Variants in NFATC2IP observed in about 807,000 individuals in gnomAD.
NFATC2IP encodes NFATC2-interacting protein.
Under a neutral mutation model 40.2 loss-of-function variants are expected in NFATC2IP, and 25 were observed. That is an observed-to-expected ratio of 0.62 (90% confidence interval 0.45 to 0.87). The LOEUF is 0.87. Ranked by LOEUF, NFATC2IP falls within the 40% of genes least tolerant of loss-of-function variation. NFATC2IP has a pLI of 0.00. For synonymous variants in NFATC2IP, 241 were observed against 236.3 expected (o/e 1.02, Z -0.18); for missense variants, 553 against 555.6 (o/e 1.00, Z 0.05).
At chr16:28,954,383 C>A (rs1229900974) in intron 2 of NFATC2IP, among the ~76,000 whole-genome samples, 182 bp from the exon 3 acceptor site, 2 of 152,090 alleles carry the variant, frequency 1.3e-5, no homozygotes, top group African/African-American at 4.8e-5. Context: ...TATCTTTATA[C>A]TAAATAGCAG....
intron 5 of NFATC2IP, among the ~76,000 whole-genome samples, chr16:28,958,223 G>T (rs1337072392): frequency 2.0e-5 from 3 of 152,012 alleles, no homozygotes; most frequent in Non-Finnish European, 4.4e-5. Flanking sequence ...GCCGAGGCAG[G>T]TGGATCACCC....
intron 7 of NFATC2IP, among the ~76,000 whole-genome samples, chr16:28,961,909 AAAAAAAAAAAAAAAG>A: frequency 6.7e-6 from 1 of 149,966 alleles, no homozygotes; most frequent in Non-Finnish European, 1.5e-5. Context: ...CAAAAAAAAA[AAAAAAAAAAAAAAAG>A]ACAGGGTCTT....
chr16:28,954,730 G>T, intron 3 of NFATC2IP, 48 bp downstream of exon 3: 1 of 1,233,794 alleles, frequency 8.1e-7, no homozygotes. Context: ...AAGTGAGTTG[G>T]AGGGGTAAGC....
rs770232293 is a variant in NFATC2IP at position 28,952,186 on chromosome 16, C to T, written c.442C>T (p.Pro148Ser). Residue 148 changes from proline (P) to serine (S), a missense_variant, in exon 2 of 8, where the codon CCT (proline) becomes TCT (serine). Transcript: ENST00000320805. Reference protein sequence around the residue: ...PDDLSLLKLYPPGDEEEAELA... With the variant: ...PDDLSLLKLYSPGDEEEAELA... ...TGATCTATCCCTCCTGAAACTCTAC[C>T]CTCCAGGGGATGAGGAAGGTAAGGG... The T allele has an allele frequency of 3.1e-6, 5 of 1,613,768 alleles. No homozygotes were observed. Among genetic ancestry groups the T allele is most frequent in the Non-Finnish European group, 3.4e-6 (4 of 1,179,770 alleles).
intron 2 of NFATC2IP, 116 bp from the exon 3 acceptor site, chr16:28,954,449 G>A (rs368215274): frequency 1.5e-6 from 1 of 649,626 alleles, no homozygotes. Context: ...TGTGCCAGGG[G>A]CTCCGTGGTC....
rs1377627472 is a variant in NFATC2IP, at chr16:28,967,083, A to G, written c.*3220A>G. On this transcript the variant is annotated 3_prime_UTR_variant, in exon 8 of 8. Coordinates refer to ENST00000320805, the MANE Select transcript of NFATC2IP (RefSeq NM_032815.4). ...TTTAACCTCAACAAAATAAATGGCAATATGTTCAACTTGTGTATACTGGAG... is the reference window on the plus strand; with the variant it reads ...TTTAACCTCAACAAAATAAATGGCAGTATGTTCAACTTGTGTATACTGGAG... 6.6e-6 allele frequency: 1 copy of G among 152,174 alleles called. No homozygotes were observed. Among genetic ancestry groups the G allele is most frequent in the African/African-American group, 2.4e-5 (1 of 41,440 alleles). The allele number at this position is 152,174 out of a possible 1,614,324, so 9.4% of individuals were successfully genotyped here. A position where few individuals can be genotyped will look rare whatever the true frequency, so the allele number is the denominator to read the frequency against.
At chr16:28,954,747 AGGCAGGACTCTTGGG>A in intron 3 of NFATC2IP, 65 bp downstream of exon 3, 1 of 955,130 alleles carries the variant, frequency 1.0e-6, no homozygotes, top group South Asian at 1.3e-5. Flanking sequence ...AAGCGGAGGC[AGGCAGGACTCTTGGG>A]TGACTCCTGA....
At chr16:28,956,679 A>G (rs1272074240) in intron 5 of NFATC2IP, 1 of 232,836 alleles carries the variant, frequency 4.3e-6, no homozygotes, top group Non-Finnish European at 8.4e-6. Context: ...TTGACCTCCC[A>G]AAGTGCTGGG....
In NFATC2IP at chr16:28,954,602, G is replaced by A; in HGVS notation, c.498G>A (p.Glu166=). Residue 166 remains glutamate, a synonymous_variant, in exon 3 of 8, where the codon GAG becomes GAA. Coordinates refer to ENST00000320805, the MANE Select transcript of NFATC2IP (RefSeq NM_032815.4). ...ELADSSGLYH[E]GSPSPGSPWK... ...CAGATTCGAGTGGTCTCTACCATGA[G>A]GGCTCCCCATCACCAGGCTCTCCCT... The A allele has an allele frequency of 6.2e-7, 1 of 1,613,922 alleles. No homozygotes were observed. Among genetic ancestry groups the A allele is most frequent in the South Asian group, 1.1e-5 (1 of 91,074 alleles).
chr16:28,952,774 C>G (rs1362013235), intron 2 of NFATC2IP: 2 of 147,062 alleles, frequency 1.4e-5, no homozygotes, highest in Non-Finnish European at 3.0e-5. Flanking sequence ...CAGAGTTTCG[C>G]TTTTGTTGCC....
chr16:28,963,576 G>C (rs573712307), intron 7 of NFATC2IP, 129 bp from the exon 8 acceptor site: 2 of 745,908 alleles, frequency 2.7e-6, no homozygotes, highest in Non-Finnish European at 2.2e-6. Flanking sequence ...TCCTTTCCCC[G>C]CATGGGGCCC....
chr16:28,959,200 T>G lies in NFATC2IP; in HGVS notation c.1101+100T>G, dbSNP rs367790628. On this transcript the variant is annotated intron_variant, in intron 7 of 7. Coordinates refer to ENST00000320805, the MANE Select transcript of NFATC2IP (RefSeq NM_032815.4). The stretch of plus-strand genomic sequence containing the variant: ...GAGGATGGATTCCCCTAATCTTGAC[T>G]TGCAGGAGACACTGCCCTCCATGTT... The G allele has an allele frequency of 4.6e-5, 34 of 742,858 alleles. 1 individual carries two copies. Among genetic ancestry groups the G allele is most frequent in the African/African-American group, 3.5e-4 (20 of 57,538 alleles). The allele number at this position is 742,858 out of a possible 1,614,324, so 46.0% of individuals were successfully genotyped here. A position where few individuals can be genotyped will look rare whatever the true frequency, so the allele number is the denominator to read the frequency against.
chr16:28,955,579 C>G (rs180902661), intron 3 of NFATC2IP, among the ~76,000 whole-genome samples: 148 of 152,220 alleles, frequency 9.7e-4, no homozygotes, highest in Admixed American at 3.2e-3. Flanking sequence ...TTGGAAGCTG[C>G]TTCCTCTTTA....
At chr16:28,956,461 C>CCCAT (rs1395506324) in intron 5 of NFATC2IP, 124 bp downstream of exon 5, 5 of 676,624 alleles carry the variant, frequency 7.4e-6, no homozygotes, top group Non-Finnish European at 1.3e-5. Flanking sequence ...TCTAGAGCTG[C>CCCAT]CCATCATTCT....
Position 28,951,192 on chromosome 16 carries a change from G to T in NFATC2IP, c.181G>T (p.Val61Phe). Reference protein sequence around the residue: ...VTDSDEEILEVATARGAADEV... With the variant: ...VTDSDEEILEFATARGAADEV... ...CGACAGCGATGAGGAAATTCTGGAG[G>T]TCGCCACCGCTCGCGGTGCCGCGGA... Residue 61 changes from valine to phenylalanine, a missense_variant, in exon 1 of 8, where the codon GTC becomes TTC. Transcript: ENST00000320805. 1 of 1,539,974 alleles carries T rather than the reference G, an allele frequency of 6.5e-7. No individual in the cohort carries two copies. The highest frequency in any genetic ancestry group is 8.8e-7 in the Non-Finnish European group (1 of 1,141,090).
At position 28,960,562 on chromosome 16, in the gene NFATC2IP, G is replaced by T. The variant is rs757688892; in HGVS notation, c.1101+1462G>T. On this transcript the variant is annotated intron_variant, in intron 7 of 7. Coordinates refer to ENST00000320805, the MANE Select transcript of NFATC2IP (RefSeq NM_032815.4). ...CCTCTCTCTCTCTCTCTGCGGACCC[G>T]TGAAATCTAGAAAATAAGTTATTTG... Among the ~76,000 whole-genome samples the T allele has an allele frequency of 2.6e-5, 4 of 152,120 alleles. No individual in the cohort carries two copies. In the East Asian group the frequency reaches 7.7e-4, roughly 29 times the overall value.
At chr16:28,958,458 G>A (rs1965045638) in intron 5 of NFATC2IP, 1 of 394,228 alleles carries the variant, frequency 2.5e-6, no homozygotes, top group East Asian at 4.6e-5. Context: ...TGTCTAGGTG[G>A]CATGTGAATT....
At position 28,954,603 on chromosome 16, in the gene NFATC2IP, G is replaced by T. The variant is rs1001373215; in HGVS notation, c.499G>T (p.Gly167Cys). The T allele has an allele frequency of 4.3e-6, 7 of 1,613,818 alleles. No homozygotes were observed. In the African/African-American group the frequency reaches 8.0e-5, roughly 18 times the overall value. The change falls in exon 3 of 8, where the codon GGC becomes TGC. Residue 167 changes from glycine to cysteine, a missense_variant. Physicochemically the swap from Gly to Cys is radical, Grantham distance 159 (BLOSUM62 -3). Transcript: ENST00000320805. ...LADSSGLYHE[G>C]SPSPGSPWKT... Reference sequence around the variant, plus strand: ...AGATTCGAGTGGTCTCTACCATGAGGGCTCCCCATCACCAGGCTCTCCCTG... The same window carrying T: ...AGATTCGAGTGGTCTCTACCATGAGTGCTCCCCATCACCAGGCTCTCCCTG...
intron 5 of NFATC2IP, among the ~76,000 whole-genome samples, chr16:28,957,310 G>A (rs971367334): frequency 1.3e-5 from 2 of 151,532 alleles, no homozygotes; most frequent in Non-Finnish European, 2.9e-5. Context: ...TGGGATTACA[G>A]GCATGAGCCA....
Sources: gnomAD v4.1 joint callset for allele counts (sites outside exome capture counted in the v4.1 genomes callset) on GRCh38, gnomAD v4.1.1 for gene constraint, MANE v1.5 for transcripts, NCBI Gene and HGNC (gene_info 2026-07-23, HGNC 2026-07-21) for gene names.